Variants in CCDC122 observed in about 807,000 individuals in gnomAD.
CCDC122 encodes coiled-coil domain-containing protein 122.
CCDC122 carries 38 observed loss-of-function variants against 37.0 expected under a neutral mutation model. That is an observed-to-expected ratio of 1.03 (90% CI 0.79 to 1.35). The LOEUF (loss-of-function observed/expected upper bound fraction) is 1.35. Ranked by LOEUF, CCDC122 falls within the 40% of genes most tolerant of loss-of-function variation. The probability of loss-of-function intolerance (pLI) is 0.00; values close to 1 mark genes in which losing one functional copy is unlikely to be tolerated. For missense variants in CCDC122, 305 were observed against 310.0 expected, an observed-to-expected ratio of 0.98 and a Z score of 0.12; for synonymous variants, 83 against 95.6, an observed-to-expected ratio of 0.87 and a Z score of 0.77.
chr13:43,866,839 G>T (rs1954290247), intron 4 of CCDC122, among the ~76,000 whole-genome samples: 1 of 151,476 alleles, frequency 6.6e-6, no homozygotes, highest in Non-Finnish European at 1.5e-5. Flanking sequence ...TAGCTTCCTT[G>T]GGATTTTCTT....
Position 43,854,564 on chromosome 13 carries a change from C to T in CCDC122, c.672+4217G>A, listed in dbSNP as rs146724492. Reference sequence around the variant, plus strand: ...TCAGATATACAAAGAAGAGCTGGTACCATTCCTGCCAAAACTATTCCAAAA... The same window carrying T: ...TCAGATATACAAAGAAGAGCTGGTATCATTCCTGCCAAAACTATTCCAAAA... On this transcript the variant is annotated intron_variant, in intron 6 of 6. Transcript: ENST00000444614. 9.9e-5 allele frequency: 15 copies of T among 152,276 alleles called. No individual in the cohort carries two copies. The East Asian group carries it at 2.7e-3, about 27-fold the overall frequency. 9.4% of individuals were successfully genotyped at this position (152,276 alleles called of 1,614,324 possible). A position where few individuals can be genotyped will look rare whatever the true frequency, so the allele number is the denominator to read the frequency against.
In CCDC122 at chr13:43,858,810, TC is replaced by T. The variant is rs1272708339; in HGVS notation, c.642del (p.Thr215HisfsTer5). On this transcript the variant is annotated frameshift_variant, in exon 6 of 7. Transcript: ENST00000444614. LOFTEE classifies it high-confidence loss of function. ...ATTTCTTTTCTTAATTTTTCATGTGTCTTTTTTTCTTCCTCAAGAAAACAAG... is the reference window on the plus strand; with the variant it reads ...ATTTCTTTTCTTAATTTTTCATGTGTTTTTTTTCTTCCTCAAGAAAACAAG... The part of the protein sequence containing the change: ...EKTCFLEEEK[K>X]THEKLRKEIE... The T allele has an allele frequency of 2.1e-6, 3 of 1,426,888 alleles. No homozygotes were observed. The highest frequency in any genetic ancestry group is 2.9e-5 in the African/African-American group (2 of 69,566). The allele number at this position is 1,426,888 out of a possible 1,614,324, so 88.4% of individuals were successfully genotyped here. A position where few individuals can be genotyped will look rare whatever the true frequency, so the allele number is the denominator to read the frequency against.
At position 43,837,159 on chromosome 13, in the gene CCDC122, G is replaced by T; in HGVS notation, c.*121C>A. On this transcript the variant is annotated 3_prime_UTR_variant, in exon 7 of 7. Transcript: ENST00000444614. ...AAAAAAACAACAACCGAAGACATCT[G>T]TCATTAAGACAGGTCTCTAATAGTG... 1 of 954,256 alleles carries T rather than the reference G, an allele frequency of 1.0e-6. No individual in the cohort carries two copies. Among genetic ancestry groups the T allele is most frequent in the Non-Finnish European group, 1.5e-6 (1 of 647,408 alleles). 59.1% of individuals were successfully genotyped at this position (954,256 alleles called of 1,614,324 possible). A position where few individuals can be genotyped will look rare whatever the true frequency, so the allele number is the denominator to read the frequency against.
chr13:43,863,707 G>A (rs952653826), intron 4 of CCDC122, among the ~76,000 whole-genome samples: 4 of 151,882 alleles, frequency 2.6e-5, no homozygotes, highest in Non-Finnish European at 4.4e-5. Context: ...GTGTGTGCCT[G>A]TGTGTGTGGA....
intron 3 of CCDC122, among the ~76,000 whole-genome samples, chr13:43,827,997 T>C (rs1306983174): frequency 6.6e-6 from 1 of 152,224 alleles, no homozygotes; most frequent in Non-Finnish European, 1.5e-5. Context: ...TTGCAGATTT[T>C]ATCTGTTAGG....
At chr13:43,841,763 T>G (rs954972828) in intron 6 of CCDC122, among the ~76,000 whole-genome samples, 3 of 152,244 alleles carry the variant, frequency 2.0e-5, no homozygotes, top group African/African-American at 7.2e-5. Context: ...CAGGCTGTAC[T>G]GCAGTGGCAT....
chr13:43,878,352 C>T (rs1157696052), intron 1 of CCDC122, among the ~76,000 whole-genome samples: 2 of 152,138 alleles, frequency 1.3e-5, no homozygotes, highest in Non-Finnish European at 2.9e-5. Context: ...ATCTACCGCT[C>T]GGGGCTCTTT....
downstream of CCDC122, among the ~76,000 whole-genome samples, chr13:43,833,063 A>G (rs1953105144): frequency 6.6e-6 from 1 of 152,200 alleles, no homozygotes; most frequent in Non-Finnish European, 1.5e-5. Flanking sequence ...ATTGGCCATG[A>G]AAGTGTCCAT....
At chr13:43,856,641 A>G in intron 6 of CCDC122, 1 of 137,548 alleles carries the variant, frequency 7.3e-6, no homozygotes, top group Non-Finnish European at 1.6e-5. Flanking sequence ...AAAAAAAAAA[A>G]AAGAAAAGAA....
chr13:43,868,684 A>G lies in CCDC122; in HGVS notation c.156+10T>C. ...GTAAAGACATTTAAAAGACTATATA[A>G]AGAAGTTACCTTCAAATTGAACAGA... On this transcript the variant is annotated intron_variant, in intron 4 of 6. Coordinates refer to ENST00000444614, the MANE Select transcript of CCDC122 (RefSeq NM_144974.5). 5 of 1,438,280 alleles carry G rather than the reference A, an allele frequency of 3.5e-6. No homozygotes were observed. The highest frequency in any genetic ancestry group is 4.7e-6 in the Non-Finnish European group (5 of 1,058,148). 89.1% of individuals were successfully genotyped at this position (1,438,280 alleles called of 1,614,324 possible). A position where few individuals can be genotyped will look rare whatever the true frequency, so the allele number is the denominator to read the frequency against.
chr13:43,856,187 C>T (rs909518003), intron 6 of CCDC122: 1 of 152,116 alleles, frequency 6.6e-6, no homozygotes, highest in African/African-American at 2.4e-5. Context: ...AGGGAAACAA[C>T]ACACACTGGA....
rs564465526 is a variant in CCDC122, at chr13:43,837,515, G to T, written c.673-86C>A. The T allele has an allele frequency of 6.1e-6, 7 of 1,155,438 alleles. No homozygotes were observed. The African/African-American group carries it at 9.5e-5, about 16-fold the overall frequency. 71.6% of individuals were successfully genotyped at this position (1,155,438 alleles called of 1,614,324 possible). A position where few individuals can be genotyped will look rare whatever the true frequency, so the allele number is the denominator to read the frequency against. ...AATAATATTTTGACTACTCTAAAGA[G>T]GGAAGCACTTAATTAGAAACTATCC... On this transcript the variant is annotated intron_variant, in intron 6 of 6. Transcript: ENST00000444614.
intron 6 of CCDC122, among the ~76,000 whole-genome samples, chr13:43,839,850 A>T (rs1006362015): frequency 2.6e-5 from 4 of 152,210 alleles, no homozygotes; most frequent in Non-Finnish European, 4.4e-5. Context: ...TGAGCAATGA[A>T]TGATTCGCAA....
intron 4 of CCDC122, among the ~76,000 whole-genome samples, chr13:43,863,131 GT>G (rs1954165546): frequency 6.6e-6 from 1 of 152,050 alleles, no homozygotes; most frequent in African/African-American, 2.4e-5. Flanking sequence ...AATAAACGTA[GT>G]CATTATTCAA....
intron 6 of CCDC122, among the ~76,000 whole-genome samples, chr13:43,845,631 G>C (rs368009976): frequency 4.6e-5 from 7 of 152,328 alleles, no homozygotes; most frequent in African/African-American, 1.7e-4. Context: ...AGAATTGCTG[G>C]AGCCCGGGAG....
At chr13:43,847,858 T>C (rs988713800) in intron 6 of CCDC122, among the ~76,000 whole-genome samples, 14 of 152,178 alleles carry the variant, frequency 9.2e-5, no homozygotes, top group African/African-American at 2.9e-4. Context: ...CATTGCAACC[T>C]CTTCCTCCCA....
At chr13:43,872,189 C>T (rs1378214335) in intron 2 of CCDC122, among the ~76,000 whole-genome samples, 1 of 151,886 alleles carries the variant, frequency 6.6e-6, no homozygotes, top group Non-Finnish European at 1.5e-5. Flanking sequence ...ACTTCCAATC[C>T]ATCGACTCTT....
chr13:43,859,553 G>T, intron 5 of CCDC122, 119 bp downstream of exon 5: 6 of 713,692 alleles, frequency 8.4e-6, no homozygotes, highest in African/African-American at 1.9e-5. Context: ...AATAGTTTCT[G>T]AAGGTAATAG....
intron 1 of CCDC122, among the ~76,000 whole-genome samples, chr13:43,875,986 G>C (rs9533670): frequency 6.6e-6 from 1 of 152,182 alleles, no homozygotes; most frequent in African/African-American, 2.4e-5. Context: ...GGCTACTTGA[G>C]ACTCAGACCC....
Sources: allele counts gnomAD v4.1 joint callset (sites outside exome capture counted in the v4.1 genomes callset), GRCh38; gene constraint gnomAD v4.1.1; transcripts MANE v1.5; gene names NCBI Gene and HGNC (gene_info 2026-07-23, HGNC 2026-07-21).